EXOC4: variants seen among roughly 807,000 people sequenced by gnomAD.
EXOC4 encodes the protein exocyst complex component 4, also known as SEC8-like 1.
In EXOC4, 71 loss-of-function variants were observed where a neutral mutation model predicts 107.2. The ratio of observed to expected loss-of-function variants is 0.66; its 90% CI spans 0.55 to 0.81. EXOC4 has a LOEUF of 0.81. EXOC4 is among the 30% of genes least tolerant of loss of function. The probability of loss-of-function intolerance (pLI) is 0.00; values close to 1 mark genes in which losing one functional copy is unlikely to be tolerated. For missense variants in EXOC4, 1,108 were observed against 1,189.6 expected (o/e 0.93, Z 1.01); for synonymous variants, 456 against 441.2 (o/e 1.03, Z -0.42).
chr7:133,394,433 G>C (rs1028021498), intron 7 of EXOC4, among the ~76,000 whole-genome samples: 2 of 152,108 alleles, frequency 1.3e-5, no homozygotes, highest in Admixed American at 6.5e-5. Context: ...TGTTAAGTCT[G>C]TCCTTAGAAT....
At chr7:133,332,687 G>A (rs1451069309) in intron 5 of EXOC4, among the ~76,000 whole-genome samples, 1 of 152,196 alleles carries the variant, frequency 6.6e-6, no homozygotes, top group Non-Finnish European at 1.5e-5. Flanking sequence ...AGTTAAGGCA[G>A]TGTTGTCTCC....
intron 9 of EXOC4, among the ~76,000 whole-genome samples, chr7:133,537,363 G>T (rs1440810531): frequency 0.1 from 1 of 10 alleles, no homozygotes; most frequent in Non-Finnish European, 0.17. Flanking sequence ...TCCCCATATT[G>T]GGCCAACCTG....
chr7:133,563,173 G>A (rs771363173), intron 9 of EXOC4, among the ~76,000 whole-genome samples: 1 of 151,316 alleles, frequency 6.6e-6, no homozygotes, highest in Non-Finnish European at 1.5e-5. Flanking sequence ...ATTTTTTAAT[G>A]GCCATTTCTA....
chr7:133,941,821 T>TTCTCTCTCTCTCTCTCTCTCTC (rs67720946), intron 14 of EXOC4, among the ~76,000 whole-genome samples: 4,612 of 129,348 alleles, frequency 0.036, 345 homozygotes, highest in Non-Finnish European at 0.049. Flanking sequence ...TGCTTACAGA[T>TTCTCTCTCTCTCTCTCTCTCTC]TCTCTCTCTC....
intron 7 of EXOC4, among the ~76,000 whole-genome samples, chr7:133,467,487 A>G (rs1032773867): frequency 2.0e-5 from 3 of 151,782 alleles, no homozygotes; most frequent in African/African-American, 7.3e-5. Flanking sequence ...CAATTTACAT[A>G]CAGCATATTT....
At chr7:133,769,618 GA>G (rs201666659) in intron 10 of EXOC4, among the ~76,000 whole-genome samples, 3 of 148,206 alleles carry the variant, frequency 2.0e-5, no homozygotes, top group East Asian at 2.0e-4. Flanking sequence ...TAACATTTAA[GA>G]AAAAAAAAGA....
intron 7 of EXOC4, among the ~76,000 whole-genome samples, chr7:133,464,444 T>A (rs1212030511): frequency 6.6e-6 from 1 of 152,194 alleles, no homozygotes; most frequent in East Asian, 1.9e-4. Flanking sequence ...GAATTTCTAT[T>A]TTAAAGGAGT....
At chr7:133,413,071 A>G (rs1055798300) in intron 7 of EXOC4, among the ~76,000 whole-genome samples, 2 of 152,054 alleles carry the variant, frequency 1.3e-5, no homozygotes, top group Non-Finnish European at 2.9e-5. Context: ...AATGTTCAGA[A>G]CCTTTGTCTG....
At chr7:133,432,474 T>C (rs899009846) in intron 7 of EXOC4, among the ~76,000 whole-genome samples, 2 of 152,204 alleles carry the variant, frequency 1.3e-5, no homozygotes, top group Admixed American at 1.3e-4. Flanking sequence ...TAAGAAAATT[T>C]TGGTAGATAG....
At chr7:133,695,160 T>C (rs1214934609) in intron 10 of EXOC4, among the ~76,000 whole-genome samples, 1 of 132,880 alleles carries the variant, frequency 7.5e-6, no homozygotes, top group African/African-American at 2.9e-5. Context: ...AACAATCTAC[T>C]CCCTATCTCC....
chr7:133,314,988 A>G (rs570818156), intron 4 of EXOC4: 1 of 152,278 alleles, frequency 6.6e-6, no homozygotes, highest in South Asian at 2.1e-4. Flanking sequence ...TTATTTGTAA[A>G]TATGTATTAC....
At chr7:133,429,351 G>A (rs959797209) in intron 7 of EXOC4, among the ~76,000 whole-genome samples, 1 of 152,034 alleles carries the variant, frequency 6.6e-6, no homozygotes, top group Non-Finnish European at 1.5e-5. Flanking sequence ...TCACTATGCC[G>A]TTTTCTAACT....
At chr7:133,916,830 C>T (rs935505852) in intron 12 of EXOC4, among the ~76,000 whole-genome samples, 2 of 152,064 alleles carry the variant, frequency 1.3e-5, no homozygotes, top group South Asian at 2.1e-4. Flanking sequence ...ATATTTAGAT[C>T]GTTGAAATTA....
intron 10 of EXOC4, among the ~76,000 whole-genome samples, chr7:133,645,218 A>C (rs1303339081): frequency 6.6e-6 from 1 of 151,502 alleles, no homozygotes; most frequent in South Asian, 2.1e-4. Flanking sequence ...CAGCCTCCCA[A>C]GTAGCTGGGA....
chr7:133,583,513 G>T (rs1306330052), intron 9 of EXOC4, among the ~76,000 whole-genome samples: 3 of 152,190 alleles, frequency 2.0e-5, no homozygotes, highest in Admixed American at 2.0e-4. Flanking sequence ...AAGAACTCTT[G>T]AGCTGAATCT....
At chr7:133,400,043 T>C (rs914491482) in intron 7 of EXOC4, among the ~76,000 whole-genome samples, 1 of 152,212 alleles carries the variant, frequency 6.6e-6, no homozygotes. Flanking sequence ...CTCAGCACTT[T>C]TATATGCATT....
rs547338901 is a variant in EXOC4 at position 133,871,751 on chromosome 7, A to G, written c.1735-23848A>G. Among the ~76,000 whole-genome samples the G allele has an allele frequency of 7.2e-5, 11 of 152,286 alleles. No homozygotes were observed. The South Asian group carries it at 1.7e-3, about 23-fold the overall frequency. On this transcript the variant is annotated intron_variant, in intron 11 of 17. Coordinates refer to ENST00000253861, the MANE Select transcript of EXOC4 (RefSeq NM_021807.4). ...CTGACTGGCTTTGAATCTGGGCTTC[A>G]TGATCTACTGGTTATGTTACCTTGG... is the stretch of plus-strand genomic sequence containing the variant.
the EXOC4 span, among the ~76,000 whole-genome samples, chr7:134,096,565 C>CA: frequency 6.6e-6 from 1 of 152,156 alleles, no homozygotes; most frequent in Non-Finnish European, 1.5e-5. Flanking sequence ...CAGTCCATTC[C>CA]AAAACCTCAG....
the EXOC4 span, among the ~76,000 whole-genome samples, chr7:134,081,670 C>T: frequency 6.6e-6 from 1 of 151,942 alleles, no homozygotes; most frequent in East Asian, 1.9e-4. Context: ...AATGGGAGGG[C>T]GTAAGAGGAA....
Sources: gnomAD v4.1 joint callset for allele counts (sites outside exome capture counted in the v4.1 genomes callset) on GRCh38, gnomAD v4.1.1 for gene constraint, MANE v1.5 for transcripts, NCBI Gene and HGNC (gene_info 2026-07-23, HGNC 2026-07-21) for gene names.